CD5: variants seen among roughly 807,000 people sequenced by gnomAD.
CD5 encodes the protein CD5 molecule, also known as T-cell surface glycoprotein CD5.
A neutral mutation model predicts 60.3 loss-of-function variants in CD5; 36 were observed. The observed-to-expected ratio is 0.60, with a 90% CI of 0.46 to 0.79. The LOEUF (loss-of-function observed/expected upper bound fraction) is 0.79. Among genes scored for constraint, CD5 ranks in the 30% least tolerant of loss-of-function variants. The probability of loss-of-function intolerance (pLI) is 0.00; values close to 1 mark genes in which losing one functional copy is unlikely to be tolerated. For synonymous variants in CD5, 230 were observed against 257.6 expected, an observed-to-expected ratio of 0.89 and a Z score of 1.03; for missense variants, 540 against 630.6, an observed-to-expected ratio of 0.86 and a Z score of 1.54.
chr11:61,118,850 C>T lies in CD5; in HGVS notation c.401-65C>T, dbSNP rs368450302. The T allele has an allele frequency of 8.5e-7, 1 of 1,178,670 alleles. No homozygotes were observed. Among genetic ancestry groups the T allele is most frequent in the East Asian group, 2.4e-5 (1 of 41,990 alleles). The allele number at this position is 1,178,670 out of a possible 1,614,324, so 73.0% of individuals were successfully genotyped here. ...CCAGGAGCTCCTGGTCCTCTCAAGGCTGCTGGCTGCCCCCGGCCCTCCCCA... is the reference window on the plus strand; with the variant it reads ...CCAGGAGCTCCTGGTCCTCTCAAGGTTGCTGGCTGCCCCCGGCCCTCCCCA... On this transcript the variant is annotated intron_variant, in intron 3 of 10. Coordinates refer to ENST00000347785, the MANE Select transcript of CD5 (RefSeq NM_014207.4). The surrounding 1 kb of genome is among the most constrained non-coding windows in gnomAD (Gnocchi z 4.7).
intron 1 of CD5, among the ~76,000 whole-genome samples, chr11:61,106,124 C>CAAAAAAAAAAAAAAAAAA: frequency 1.2e-5 from 1 of 81,888 alleles, no homozygotes; most frequent in Non-Finnish European, 2.4e-5. Context: ...GACTCCATCT[C>CAAAAAAAAAAAAAAAAAA]AAAAAAAAAA....
At chr11:61,116,539 CCACA>C (rs200986151) in intron 2 of CD5, among the ~76,000 whole-genome samples, 23 of 106,890 alleles carry the variant, frequency 2.2e-4, no homozygotes, top group African/African-American at 6.2e-4. Context: ...ACACCCCACA[CCACA>C]CACACACACC....
rs1363045866 is a variant in CD5, at chr11:61,127,241, G to A, written c.*956G>A. The A allele has an allele frequency of 6.6e-6, 1 of 152,234 alleles. No homozygotes were observed. Among genetic ancestry groups the A allele is most frequent in the Non-Finnish European group, 1.5e-5 (1 of 68,058 alleles). 9.4% of individuals were successfully genotyped at this position (152,234 alleles called of 1,614,324 possible). A position where few individuals can be genotyped will look rare whatever the true frequency, so the allele number is the denominator to read the frequency against. On this transcript the variant is annotated 3_prime_UTR_variant, in exon 11 of 11. Coordinates refer to ENST00000347785, the MANE Select transcript of CD5 (RefSeq NM_014207.4). The stretch of plus-strand genomic sequence containing the variant: ...TTGGACGTACACCTAATCCCATGGG[G>A]CCTCGGCTTCCTTAACTGCAAGTGA...
chr11:61,102,812 G>A (rs552898749), intron 1 of CD5, among the ~76,000 whole-genome samples, 197 bp downstream of exon 1: 5 of 152,290 alleles, frequency 3.3e-5, no homozygotes, highest in South Asian at 4.1e-4. Context: ...TGTCCCACCC[G>A]CCAGGAGCAC....
intron 6 of CD5, among the ~76,000 whole-genome samples, chr11:61,122,155 ACTTCTC>A: frequency 6.6e-6 from 1 of 152,228 alleles, no homozygotes; most frequent in Admixed American, 6.5e-5. Flanking sequence ...GAGTCATAGA[ACTTCTC>A]CTTCTACCTT....
At chr11:61,110,205 AAAAC>A (rs761889052) in intron 1 of CD5, among the ~76,000 whole-genome samples, 20 of 152,118 alleles carry the variant, frequency 1.3e-4, no homozygotes, top group Non-Finnish European at 2.6e-4. Flanking sequence ...TTATAAGTGA[AAAAC>A]AAACAAGCAA....
At chr11:61,104,793 A>G (rs1860755126) in intron 1 of CD5, among the ~76,000 whole-genome samples, 1 of 152,250 alleles carries the variant, frequency 6.6e-6, no homozygotes, top group Non-Finnish European at 1.5e-5. Context: ...AGTGGGGAAA[A>G]GCGAGGCCCA....
In CD5 at chr11:61,125,846, G is replaced by A; in HGVS notation, c.*2+5G>A. On this transcript the variant is annotated splice_donor_5th_base_variant and intron_variant, in intron 10 of 10. Coordinates refer to ENST00000347785, the MANE Select transcript of CD5 (RefSeq NM_014207.4). ...TGGGGCTCAGAGGCTGTAAAGGTGAGCCCGTCTCCAGCCTGACCCCAGCAC... is the reference window on the plus strand; with the variant it reads ...TGGGGCTCAGAGGCTGTAAAGGTGAACCCGTCTCCAGCCTGACCCCAGCAC... 1 of 1,597,668 alleles carries A rather than the reference G, an allele frequency of 6.3e-7. No homozygotes were observed. Among genetic ancestry groups the A allele is most frequent in the South Asian group, 1.1e-5 (1 of 89,360 alleles).
chr11:61,100,655 ACAT>A (rs1435916994), upstream of CD5, among the ~76,000 whole-genome samples: 2 of 119,728 alleles, frequency 1.7e-5, no homozygotes, highest in Admixed American at 8.1e-5. Context: ...GATTACACAC[ACAT>A]CAACATGGAG....
intron 8 of CD5, among the ~76,000 whole-genome samples, chr11:61,124,511 T>C (rs986142837): frequency 1.3e-5 from 2 of 152,050 alleles, no homozygotes; most frequent in African/African-American, 4.8e-5. Context: ...ACACCATCCC[T>C]GGTCTTCATC....
intron 1 of CD5, among the ~76,000 whole-genome samples, chr11:61,104,412 C>T (rs1351914280): frequency 1.3e-5 from 2 of 152,206 alleles, no homozygotes; most frequent in Non-Finnish European, 2.9e-5. Context: ...AACCCCCCAC[C>T]TGCTCCTCAC....
At chr11:61,098,118 G>T (rs1396930142), upstream of CD5, among the ~76,000 whole-genome samples, 1 of 152,166 alleles carries the variant, frequency 6.6e-6, no homozygotes, top group African/African-American at 2.4e-5. Context: ...ATTTGATCCT[G>T]GGGCCATGTT....
At chr11:61,104,178 G>A (rs1434984328) in intron 1 of CD5, among the ~76,000 whole-genome samples, 1 of 152,128 alleles carries the variant, frequency 6.6e-6, no homozygotes, top group Non-Finnish European at 1.5e-5. Context: ...GTGCGCATGT[G>A]TGTGAGAACT....
chr11:61,119,431 G>T lies in CD5; in HGVS notation c.661G>T (p.Ala221Ser). ...KHLPETEAGR[A>S]QDPGEPREHQ... is the part of the protein sequence containing the mutation. ...TCTGCCAGAGACTGAGGCAGGCAGA[G>T]CCCAAGACCCAGGGGAGCCACGGGA... The change falls in exon 5 of 11, where the codon GCC (alanine) becomes TCC (serine). Residue 221 changes from alanine (A) to serine (S), a missense_variant. Physicochemically the swap from Ala to Ser is moderately conservative, Grantham distance 99. Coordinates refer to ENST00000347785, the MANE Select transcript of CD5 (RefSeq NM_014207.4). The T allele has an allele frequency of 1.2e-6, 2 of 1,614,150 alleles. No individual in the cohort carries two copies. Among genetic ancestry groups the T allele is most frequent in the Non-Finnish European group, 1.7e-6 (2 of 1,180,022 alleles).
upstream of CD5, among the ~76,000 whole-genome samples, chr11:61,099,803 G>C (rs1372064527): frequency 1.4e-5 from 2 of 144,202 alleles, no homozygotes; most frequent in African/African-American, 5.3e-5. Context: ...TATCAAATGG[G>C]GATTACACAC....
intron 1 of CD5, among the ~76,000 whole-genome samples, chr11:61,104,132 G>A (rs1860744727): frequency 1.3e-5 from 2 of 151,826 alleles, no homozygotes; most frequent in South Asian, 4.2e-4. Flanking sequence ...GTGAGTCTGT[G>A]TGTGAGTCTG....
the CD5 span, among the ~76,000 whole-genome samples, chr11:61,097,473 C>A: frequency 6.6e-6 from 1 of 152,310 alleles, no homozygotes; most frequent in South Asian, 2.1e-4. Flanking sequence ...AGAGAGGAAT[C>A]CATTTAGTAA....
At chr11:61,116,053 G>A (rs1449410739) in intron 2 of CD5, among the ~76,000 whole-genome samples, 1 of 152,118 alleles carries the variant, frequency 6.6e-6, no homozygotes, top group Non-Finnish European at 1.5e-5. Flanking sequence ...TGCCCTTGGC[G>A]AGCCCTGGCC....
In CD5 at chr11:61,118,949, C is replaced by T; in HGVS notation, c.435C>T (p.Pro145=). 1 of 1,613,912 alleles carries T rather than the reference C, an allele frequency of 6.2e-7. No homozygotes were observed. The highest frequency in any genetic ancestry group is 1.1e-5 in the South Asian group (1 of 91,074). Residue 145 remains proline, a synonymous_variant, in exon 4 of 11, where the codon CCC becomes CCT. Coordinates refer to ENST00000347785, the MANE Select transcript of CD5 (RefSeq NM_014207.4). The surrounding 1 kb of genome is among the most constrained non-coding windows in gnomAD (Gnocchi z 4.7). ...AGACAACACCTCCAACGACAAGGCCCCCGCCCACCACAACTCCAGAGCCCA... is the reference window on the plus strand; with the variant it reads ...AGACAACACCTCCAACGACAAGGCCTCCGCCCACCACAACTCCAGAGCCCA... ...PQKTTPPTTR[P]PPTTTPEPTA... is the part of the protein sequence containing the mutation.
Sources: allele counts gnomAD v4.1 joint callset (sites outside exome capture counted in the v4.1 genomes callset), GRCh38; gene constraint gnomAD v4.1.1; non-coding constraint Gnocchi (gnomAD v3.1); transcripts MANE v1.5; gene names NCBI Gene and HGNC (gene_info 2026-07-23, HGNC 2026-07-21).